Variants in CSMD2 observed in about 807,000 individuals in gnomAD.
The protein encoded by CSMD2 is CUB and sushi domain-containing protein 2.
In CSMD2, 130 loss-of-function variants were observed where a neutral mutation model predicts 398.5. The ratio of observed to expected loss-of-function variants is 0.33; its 90% CI spans 0.28 to 0.38. The LOEUF (loss-of-function observed/expected upper bound fraction) is 0.38. Among genes scored for constraint, CSMD2 ranks in the 10% least tolerant of loss-of-function variants. CSMD2 has a pLI of 1.00. For missense variants in CSMD2, 3,829 were observed against 4,764.9 expected (o/e 0.80, Z 5.78); for synonymous variants, 1,828 against 1,908.5 (o/e 0.96, Z 1.10).
At chr1:33,583,618 C>T in intron 47 of CSMD2, 24 bp downstream of exon 47, 1 of 1,608,526 alleles carries the variant, frequency 6.2e-7, no homozygotes, top group East Asian at 2.2e-5. Context: ...CAGCAGAGAA[C>T]TGTGAGGCAT....
At chr1:33,949,886 C>G (rs1644950430) in intron 3 of CSMD2, among the ~76,000 whole-genome samples, 1 of 152,156 alleles carries the variant, frequency 6.6e-6, no homozygotes. Context: ...TCGGGCTTCT[C>G]TAAGTGAAAA....
At position 33,985,845 on chromosome 1, in the gene CSMD2, G is replaced by A. The variant is rs912106407; in HGVS notation, c.517+46749C>T. ...GCGGAGGCCTGGAATCTCTTTGATCGCCCCACCCTTAGAGGAATGCATGGG... is the reference window on the plus strand; with the variant it reads ...GCGGAGGCCTGGAATCTCTTTGATCACCCCACCCTTAGAGGAATGCATGGG... On this transcript the variant is annotated intron_variant, in intron 3 of 70. Transcript: ENST00000373381. Among the ~76,000 whole-genome samples, 8 of 151,978 alleles carry A rather than the reference G, an allele frequency of 5.3e-5. 1 individual carries two copies. Among genetic ancestry groups the A allele is most frequent in the African/African-American group, 1.9e-4 (8 of 41,388 alleles).
intron 13 of CSMD2, among the ~76,000 whole-genome samples, chr1:33,744,915 C>T (rs374002904): frequency 2.8e-4 from 42 of 152,194 alleles, no homozygotes; most frequent in African/African-American, 9.1e-4. Context: ...TATGTAAGTT[C>T]GCATCCAGAG....
chr1:34,045,038 TACACACACACACAC>T (rs10588687), intron 2 of CSMD2, among the ~76,000 whole-genome samples: 56 of 142,806 alleles, frequency 3.9e-4, no homozygotes, highest in Middle Eastern at 3.7e-3. Flanking sequence ...TCACACACCA[TACACACACACACAC>T]ACACACACAC....
intron 22 of CSMD2, among the ~76,000 whole-genome samples, chr1:33,704,724 C>T (rs933113548): frequency 2.0e-5 from 3 of 152,156 alleles, no homozygotes; most frequent in Non-Finnish European, 2.9e-5. Context: ...TTGACACATC[C>T]TCACATTCCT....
chr1:33,788,306 G>T (rs563276034), intron 12 of CSMD2, among the ~76,000 whole-genome samples: 10 of 152,084 alleles, frequency 6.6e-5, no homozygotes. Context: ...TCAGGAGTTC[G>T]AGATCAGCTT....
At chr1:33,558,392 T>C (rs1301414822) in intron 54 of CSMD2, among the ~76,000 whole-genome samples, 3 of 152,236 alleles carry the variant, frequency 2.0e-5, no homozygotes, top group Non-Finnish European at 4.4e-5. Context: ...TTCAGGGACA[T>C]ATTAATATCC....
At chr1:33,890,969 T>C (rs367736930) in intron 5 of CSMD2, among the ~76,000 whole-genome samples, 76 of 152,288 alleles carry the variant, frequency 5.0e-4, no homozygotes, top group African/African-American at 1.8e-3. Flanking sequence ...CTAGGCATTA[T>C]CATTCAGGAC....
intron 9 of CSMD2, among the ~76,000 whole-genome samples, chr1:33,816,853 T>G (rs1657524398): frequency 6.6e-6 from 1 of 152,242 alleles, no homozygotes. Flanking sequence ...ACCTATTATT[T>G]GCCAGGCCCC....
chr1:33,540,791 A>C, intron 59 of CSMD2, 93 bp from the exon 60 acceptor site: 1 of 1,413,740 alleles, frequency 7.1e-7, no homozygotes, highest in African/African-American at 1.4e-5. Flanking sequence ...CCCTGCACCC[A>C]CCTAGAGCCT....
At position 33,910,698 on chromosome 1, in the gene CSMD2, C is replaced by A. The variant is rs1208819340; in HGVS notation, c.920+7396G>T. 9.2e-5 allele frequency among the ~76,000 whole-genome samples: 14 copies of A among 152,294 alleles called. 1 individual carries two copies. The South Asian group carries it at 2.9e-3, about 32-fold the overall frequency. ...TATGCTCCCTTTCTGCTGGGATTGC[C>A]AAGAGAGGTAGGTTATAGGGAGCTG... On this transcript the variant is annotated intron_variant, in intron 5 of 70. Coordinates refer to ENST00000373381, the MANE Select transcript of CSMD2 (RefSeq NM_001281956.2).
intron 6 of CSMD2, among the ~76,000 whole-genome samples, chr1:33,838,328 T>G (rs1286798635): frequency 6.6e-6 from 1 of 152,206 alleles, no homozygotes; most frequent in East Asian, 1.9e-4. Context: ...CTCATCCTTT[T>G]TTGCTAGAGT....
intron 9 of CSMD2, 37 bp downstream of exon 9, chr1:33,819,676 C>T (rs368164563): frequency 1.9e-6 from 3 of 1,604,140 alleles, no homozygotes; most frequent in African/African-American, 2.7e-5. Flanking sequence ...CTCAGCCCAA[C>T]TCTCTGGCCA....
At chr1:34,027,425 T>G (rs971759471) in intron 3 of CSMD2, among the ~76,000 whole-genome samples, 6 of 152,228 alleles carry the variant, frequency 3.9e-5, no homozygotes, top group African/African-American at 1.2e-4. Flanking sequence ...TTGGTAGAAG[T>G]GTGCGTTCGT....
chr1:33,569,105 T>C (rs757272961), intron 52 of CSMD2, among the ~76,000 whole-genome samples: 44 of 152,130 alleles, frequency 2.9e-4, no homozygotes, highest in Non-Finnish European at 1.0e-4. Flanking sequence ...CAAAGGCCAA[T>C]AGGAAGGGAT....
chr1:33,759,324 CTTTTTTTTTTTTT>C (rs756784492), intron 13 of CSMD2, among the ~76,000 whole-genome samples: 11 of 124,782 alleles, frequency 8.8e-5, no homozygotes, highest in Middle Eastern at 4.2e-3. Flanking sequence ...CTTTTTTTTT[CTTTTTTTTTTTTT>C]TTTTTTGAGA....
At chr1:33,605,797 T>C (rs903577727) in intron 41 of CSMD2, 1 of 1,298,714 alleles carries the variant, frequency 7.7e-7, no homozygotes, top group Non-Finnish European at 1.1e-6. Flanking sequence ...TGAACCTCTA[T>C]TCACTGAGTG....
intron 24 of CSMD2, among the ~76,000 whole-genome samples, chr1:33,696,493 C>T (rs1372667643): frequency 6.6e-6 from 1 of 152,130 alleles, no homozygotes; most frequent in Non-Finnish European, 1.5e-5. Context: ...TGAATGGACC[C>T]ATGGCAGGGA....
At chr1:33,766,830 G>A (rs1416620753) in intron 13 of CSMD2, among the ~76,000 whole-genome samples, 1 of 152,178 alleles carries the variant, frequency 6.6e-6, no homozygotes, top group East Asian at 1.9e-4. Context: ...ACATGAAATA[G>A]AGGCATGCCA....
Sources: allele counts gnomAD v4.1 joint callset (sites outside exome capture counted in the v4.1 genomes callset), GRCh38; gene constraint gnomAD v4.1.1; transcripts MANE v1.5; gene names NCBI Gene and HGNC (gene_info 2026-07-23, HGNC 2026-07-21).